Variants in MEGF11 observed in about 807,000 individuals in gnomAD.
MEGF11 encodes the protein multiple epidermal growth factor-like domains protein 11.
In MEGF11, 126 loss-of-function variants were observed where a neutral mutation model predicts 146.6. That is an observed-to-expected ratio of 0.86 (90% confidence interval 0.74 to 1.00). MEGF11 has a LOEUF of 1.00. MEGF11 is among the 50% of genes least tolerant of loss of function. The probability of loss-of-function intolerance (pLI) is 0.00; values close to 1 mark genes in which losing one functional copy is unlikely to be tolerated. For missense variants in MEGF11, 1,509 were observed against 1,521.2 expected, an observed-to-expected ratio of 0.99 and a Z score of 0.13; for synonymous variants, 532 against 583.4, an observed-to-expected ratio of 0.91 and a Z score of 1.27.
rs963968262 is a variant in MEGF11 at position 65,965,114 on chromosome 15, T to C, written c.906A>G (p.Gln302=). The change falls in exon 9 of 26, where the codon CAA becomes CAG. Residue 302 remains glutamine, a synonymous_variant. Transcript: ENST00000395614. ...CGAAGGACCCGAAGGGGCACTCCTC[T>C]TGGCACCTGTGGGAGAGCAGAGTGG... ...CTAGYMGDRC[Q]EECPFGSFGF... 3 of 1,588,152 alleles carry C rather than the reference T, an allele frequency of 1.9e-6. No homozygotes were observed. The highest frequency in any genetic ancestry group is 3.4e-5 in the Admixed American group (2 of 58,160).
intron 9 of MEGF11, 41 bp downstream of exon 9, chr15:65,964,867 C>A (rs1314816904): frequency 3.3e-6 from 5 of 1,499,158 alleles, no homozygotes; most frequent in Middle Eastern, 2.4e-4. Flanking sequence ...ACCTGAGCAC[C>A]CCCCGCCCTT....
intron 1 of MEGF11, among the ~76,000 whole-genome samples, chr15:66,235,811 G>A (rs1214286416): frequency 6.6e-6 from 1 of 152,108 alleles, no homozygotes; most frequent in Non-Finnish European, 1.5e-5. Flanking sequence ...TTCCCCACAG[G>A]TCAAGGAGAG....
At chr15:66,144,624 C>A (rs1164247842) in intron 1 of MEGF11, among the ~76,000 whole-genome samples, 3 of 152,166 alleles carry the variant, frequency 2.0e-5, no homozygotes, top group African/African-American at 7.2e-5. Flanking sequence ...CTGACCCCTC[C>A]CCTTAGCAGC....
intron 5 of MEGF11, among the ~76,000 whole-genome samples, chr15:66,044,318 G>T (rs1364357279): frequency 6.6e-6 from 1 of 152,186 alleles, no homozygotes. Context: ...ACACTGAATT[G>T]TGATCATTTC....
chr15:65,990,859 G>T (rs1160624729), intron 5 of MEGF11, among the ~76,000 whole-genome samples: 4 of 152,148 alleles, frequency 2.6e-5, no homozygotes, highest in Non-Finnish European at 5.9e-5. Flanking sequence ...GAGGACACAG[G>T]GATAGGAGGT....
At chr15:66,222,838 A>G (rs1305487180) in intron 1 of MEGF11, among the ~76,000 whole-genome samples, 1 of 152,220 alleles carries the variant, frequency 6.6e-6, no homozygotes, top group South Asian at 2.1e-4. Context: ...TCAGATAATA[A>G]CAAATGCTGA....
intron 10 of MEGF11, 112 bp downstream of exon 10, chr15:65,957,435 C>G (rs535695927): frequency 2.9e-6 from 3 of 1,030,466 alleles, no homozygotes; most frequent in Non-Finnish European, 2.8e-6. Context: ...GTCTCTGAGG[C>G]GGACACAAGG....
intron 1 of MEGF11, among the ~76,000 whole-genome samples, chr15:66,132,488 G>C (rs1461232419): frequency 6.6e-6 from 1 of 152,244 alleles, no homozygotes; most frequent in Non-Finnish European, 1.5e-5. Context: ...GTCAATCCCA[G>C]TCCATCTTCC....
chr15:65,966,748 T>C (rs1042446035), intron 8 of MEGF11, among the ~76,000 whole-genome samples: 8 of 152,062 alleles, frequency 5.3e-5, no homozygotes, highest in African/African-American at 1.9e-4. Context: ...AACATAAGGA[T>C]AATTATTCAA....
rs531555261 is a variant in MEGF11, at chr15:66,123,123, A to T, written c.200+776T>A. Among the ~76,000 whole-genome samples, 6 of 152,302 alleles carry T rather than the reference A, an allele frequency of 3.9e-5. No individual in the cohort carries two copies. In the South Asian group the frequency reaches 1.2e-3, roughly 32 times the overall value. The stretch of plus-strand genomic sequence containing the variant: ...ATGAGTACACTGGGAATCCCAAAAT[A>T]AAGTGTCTTTCCCAGGGTCATCCCT... On this transcript the variant is annotated intron_variant, in intron 3 of 25. Coordinates refer to ENST00000395614, the MANE Select transcript of MEGF11 (RefSeq NM_001385028.1).
intron 10 of MEGF11, among the ~76,000 whole-genome samples, chr15:65,945,664 G>A (rs146336810): frequency 3.9e-5 from 6 of 152,274 alleles, no homozygotes; most frequent in Non-Finnish European, 7.4e-5. Flanking sequence ...GATGGACAGC[G>A]TGGTGACTGG....
intron 5 of MEGF11, among the ~76,000 whole-genome samples, chr15:65,989,356 G>T (rs1390050320): frequency 6.6e-6 from 1 of 152,192 alleles, no homozygotes; most frequent in Non-Finnish European, 1.5e-5. Context: ...TAAGGACTGG[G>T]CCAAGGCCCC....
chr15:66,252,012 C>T (rs910534456), intron 1 of MEGF11, among the ~76,000 whole-genome samples: 6 of 152,356 alleles, frequency 3.9e-5, no homozygotes, highest in Admixed American at 3.3e-4. Flanking sequence ...CTCCGGAAAG[C>T]CTCGAGCTTT....
intron 5 of MEGF11, among the ~76,000 whole-genome samples, chr15:66,006,611 G>A (rs2082528362): frequency 6.6e-6 from 1 of 152,148 alleles, no homozygotes; most frequent in Non-Finnish European, 1.5e-5. Context: ...GCTCTGGCCT[G>A]GCTCTCTCTC....
At chr15:66,007,920 A>G (rs1380317253) in intron 5 of MEGF11, among the ~76,000 whole-genome samples, 1 of 152,182 alleles carries the variant, frequency 6.6e-6, no homozygotes, top group African/African-American at 2.4e-5. Context: ...AGAAGCATCA[A>G]TATAAACACA....
At chr15:66,243,600 C>T (rs549092293) in intron 1 of MEGF11, among the ~76,000 whole-genome samples, 1 of 152,328 alleles carries the variant, frequency 6.6e-6, no homozygotes, top group Non-Finnish European at 1.5e-5. Flanking sequence ...TTTAGGGCCT[C>T]AGACTCCCTT....
chr15:65,992,035 C>T (rs901930402), intron 5 of MEGF11, among the ~76,000 whole-genome samples: 5 of 152,216 alleles, frequency 3.3e-5, no homozygotes, highest in Admixed American at 2.0e-4. Context: ...GAGGGTGCTC[C>T]ACTGTCAGGC....
At chr15:66,094,562 A>C in intron 4 of MEGF11, 68 bp from the exon 5 acceptor site, 1 of 1,362,028 alleles carries the variant, frequency 7.3e-7, no homozygotes. Context: ...CTGGTCAAGG[A>C]GCATAATCCA....
intron 13 of MEGF11, 39 bp from the exon 14 acceptor site, chr15:65,923,008 G>C (rs761779800): frequency 6.2e-7 from 1 of 1,601,042 alleles, no homozygotes. Context: ...TGGTAAGAGA[G>C]GTGAGGATGA....
Sources: gnomAD v4.1 joint callset for allele counts (sites outside exome capture counted in the v4.1 genomes callset) on GRCh38, gnomAD v4.1.1 for gene constraint, MANE v1.5 for transcripts, NCBI Gene and HGNC (gene_info 2026-07-23, HGNC 2026-07-21) for gene names.